Variants in TREML1 observed in about 807,000 individuals in gnomAD.
TREML1 encodes triggering receptor expressed on myeloid cells like 1, also known as trem-like transcript 1 protein.
In TREML1, 27 loss-of-function variants were observed where a neutral mutation model predicts 22.8. The ratio of observed to expected loss-of-function variants is 1.19; its 90% confidence interval spans 0.87 to 1.64. The LOEUF is 1.64. Ranked by LOEUF, TREML1 falls within the 40% of genes most tolerant of loss-of-function variation. The pLI is 0.00. For missense variants in TREML1, 356 were observed against 382.0 expected (o/e 0.93, Z 0.57); for synonymous variants, 153 against 161.9 (o/e 0.94, Z 0.42).
At chr6:41,154,441 G>A (rs1350627669), upstream of TREML1, 4 of 657,554 alleles carry the variant, frequency 6.1e-6, no homozygotes, top group South Asian at 1.9e-5. Flanking sequence ...GTTCTTCCAA[G>A]CCCTGGTTGG....
At chr6:41,154,399 A>T, upstream of TREML1, 1 of 879,316 alleles carries the variant, frequency 1.1e-6, no homozygotes, top group Non-Finnish European at 1.8e-6. Flanking sequence ...GAGAAAGGAA[A>T]TGATGGGCAC....
chr6:41,151,191 T>G, intron 3 of TREML1, 91 bp downstream of exon 3: 1 of 1,154,686 alleles, frequency 8.7e-7, no homozygotes, highest in Non-Finnish European at 1.3e-6. Flanking sequence ...AATCATAGGT[T>G]TTCCCCTTCG....
At position 41,154,345 on chromosome 6, in the gene TREML1, C is replaced by T; in HGVS notation, c.-57G>A. ...TGCCTGGGCACTGATGCAGCATTCG[C>T]CTGAGGGCAGGAAACATCTGCCTCA... is the stretch of plus-strand genomic sequence containing the variant. On this transcript the variant is annotated 5_prime_UTR_variant, in exon 1 of 6. Coordinates refer to ENST00000426005, the MANE Select transcript of TREML1 (RefSeq NM_178174.4). 1.3e-6 allele frequency: 2 copies of T among 1,490,426 alleles called. No individual in the cohort carries two copies. Among genetic ancestry groups the T allele is most frequent in the East Asian group, 2.3e-5 (1 of 44,226 alleles). The allele number at this position is 1,490,426 out of a possible 1,614,324, so 92.3% of individuals were successfully genotyped here. A position where few individuals can be genotyped will look rare whatever the true frequency, so the allele number is the denominator to read the frequency against.
At chr6:41,154,144 G>T in intron 1 of TREML1, 54 bp from the exon 2 acceptor site, 1 of 1,588,802 alleles carries the variant, frequency 6.3e-7, no homozygotes, top group Non-Finnish European at 8.6e-7. Context: ...GCATCTCCCA[G>T]CCCAGCTGCT....
chr6:41,150,813 A>G lies in TREML1; in HGVS notation c.568+6T>C. 6.2e-7 allele frequency: 1 copy of G among 1,613,534 alleles called. No individual in the cohort carries two copies. The highest frequency in any genetic ancestry group is 8.5e-7 in the Non-Finnish European group (1 of 1,179,538). ...GCCAGGCTGAGATAGGAAGATAGCC[A>G]CCTACCTTGTTTCCTCTTGGCCATC... is the stretch of plus-strand genomic sequence containing the variant. On this transcript the variant is annotated splice_donor_region_variant and intron_variant, in intron 4 of 5. Coordinates refer to ENST00000426005, the MANE Select transcript of TREML1 (RefSeq NM_178174.4).
chr6:41,150,755 A>G, intron 4 of TREML1, 64 bp downstream of exon 4: 2 of 1,468,574 alleles, frequency 1.4e-6, no homozygotes, highest in East Asian at 2.3e-5. Flanking sequence ...TCCTGGCCTC[A>G]TCTGCACAAC....
intron 2 of TREML1, among the ~76,000 whole-genome samples, chr6:41,151,963 G>A (rs1445626930): frequency 1.3e-5 from 2 of 152,144 alleles, no homozygotes; most frequent in East Asian, 3.9e-4. Flanking sequence ...AGCCTTGCTG[G>A]GATCCTGAGA....
chr6:41,153,070 A>AC (rs1765311153), intron 2 of TREML1, among the ~76,000 whole-genome samples: 1 of 151,414 alleles, frequency 6.6e-6, no homozygotes, highest in Admixed American at 6.6e-5. Context: ...AAAAAAAAAA[A>AC]CCCAAGTTTT....
rs141788989 is a variant in TREML1 at position 41,153,945 on chromosome 6, C to T, written c.189G>A (p.Val63=). 2 of 1,614,248 alleles carry T rather than the reference C, an allele frequency of 1.2e-6. No individual in the cohort carries two copies. Among genetic ancestry groups the T allele is most frequent in the East Asian group, 4.5e-5 (2 of 44,876 alleles). Residue 63 remains valine (V), a synonymous_variant, in exon 2 of 6, where the codon GTG becomes GTA. Coordinates refer to ENST00000426005, the MANE Select transcript of TREML1 (RefSeq NM_178174.4). ...GAGCTCTGCGATCCACAGCTGAGGA[C>T]ACCAGGGGCTGGCACCCCTCCGGCA... The part of the protein sequence containing the change: ...RFLPEGCQPL[V]SSAVDRRAPA...
At chr6:41,151,405 T>G in intron 2 of TREML1, 21 bp from the exon 3 acceptor site, 1 of 1,606,674 alleles carries the variant, frequency 6.2e-7, no homozygotes, top group Non-Finnish European at 8.5e-7. Flanking sequence ...AGGAATGGAG[T>G]CAGAAGGAAA....
In TREML1 at chr6:41,151,272, C is replaced by T. The variant is rs762745290; in HGVS notation, c.479+10G>A. 6.2e-7 allele frequency: 1 copy of T among 1,613,238 alleles called. No individual in the cohort carries two copies. Among genetic ancestry groups the T allele is most frequent in the Admixed American group, 1.7e-5 (1 of 60,032 alleles). ...TTCTCCTGGCCTCCCAAATCCAATC[C>T]TGTCAGTACCTCTTCTCATCCTGGC... On this transcript the variant is annotated intron_variant, in intron 3 of 5. Coordinates refer to ENST00000426005, the MANE Select transcript of TREML1 (RefSeq NM_178174.4).
chr6:41,152,475 CA>C (rs1765284831), intron 2 of TREML1, among the ~76,000 whole-genome samples: 1 of 152,002 alleles, frequency 6.6e-6, no homozygotes, highest in African/African-American at 2.4e-5. Flanking sequence ...CAAAGGATGA[CA>C]AGGATTAACA....
chr6:41,152,055 C>A (rs1004690928), intron 2 of TREML1, among the ~76,000 whole-genome samples: 1 of 152,162 alleles, frequency 6.6e-6, no homozygotes, highest in Non-Finnish European at 1.5e-5. Context: ...TTTCTCTGGG[C>A]CTGGAGACTT....
At chr6:41,150,349 CG>C (rs766704182) in intron 4 of TREML1, 36 bp from the exon 5 acceptor site, 75 of 1,608,778 alleles carry the variant, frequency 4.7e-5, no homozygotes, top group Non-Finnish European at 2.0e-5. Flanking sequence ...AGTCTGCTTC[CG>C]GGGCTGGCTC....
intron 2 of TREML1, 34 bp from the exon 3 acceptor site, chr6:41,151,418 T>C (rs1765243617): frequency 1.9e-6 from 3 of 1,582,262 alleles, no homozygotes; most frequent in Admixed American, 1.7e-5. Context: ...GAAGGAAACA[T>C]TTAATGAGTG....
At chr6:41,151,871 GC>G (rs1402612381) in intron 2 of TREML1, among the ~76,000 whole-genome samples, 2 of 152,184 alleles carry the variant, frequency 1.3e-5, no homozygotes, top group Admixed American at 1.3e-4. Flanking sequence ...TGCAACCCTA[GC>G]CCAAGCTCTG....
chr6:41,155,072 G>A (rs1440388871), upstream of TREML1, among the ~76,000 whole-genome samples: 1 of 150,882 alleles, frequency 6.6e-6, no homozygotes, highest in Admixed American at 6.6e-5. Context: ...TTCTATTTTT[G>A]TCTTTTAAAA....
At chr6:41,150,933 G>GCTT in intron 3 of TREML1, 26 bp from the exon 4 acceptor site, 1 of 1,606,224 alleles carries the variant, frequency 6.2e-7, no homozygotes, top group Middle Eastern at 1.7e-4. Context: ...GGATAGGCAG[G>GCTT]CTTAGACCTG....
chr6:41,150,644 C>T (rs1765221301), intron 4 of TREML1, among the ~76,000 whole-genome samples, 175 bp downstream of exon 4: 1 of 152,144 alleles, frequency 6.6e-6, no homozygotes, highest in Non-Finnish European at 1.5e-5. Context: ...CATTGAATCT[C>T]CTTCCCTCCC....
Sources: gnomAD v4.1 joint callset for allele counts (sites outside exome capture counted in the v4.1 genomes callset) on GRCh38, gnomAD v4.1.1 for gene constraint, MANE v1.5 for transcripts, NCBI Gene and HGNC (gene_info 2026-07-23, HGNC 2026-07-21) for gene names.